Variants in PLD5 observed in about 807,000 individuals in gnomAD.
PLD5 encodes phospholipase D family member 5.
A neutral mutation model predicts 61.1 loss-of-function variants in PLD5; 36 were observed. The observed-to-expected ratio is 0.59, with a 90% CI of 0.45 to 0.78. The LOEUF is 0.78. Ranked by LOEUF, PLD5 falls within the 30% of genes least tolerant of loss-of-function variation. The pLI, the probability that PLD5 is intolerant of heterozygous loss-of-function variation, is 0.00. For synonymous variants in PLD5, 243 were observed against 242.8 expected (o/e 1.00, Z -0.01); for missense variants, 515 against 644.4 (o/e 0.80, Z 2.17).
chr1:242,436,491 A>T (rs546232537), intron 1 of PLD5, among the ~76,000 whole-genome samples: 58 of 152,068 alleles, frequency 3.8e-4, no homozygotes, highest in African/African-American at 1.1e-3. Flanking sequence ...TTTAAAAAAA[A>T]ATTTATCTTT....
chr1:242,124,399 A>G lies in PLD5; in HGVS notation c.933+69T>C, dbSNP rs2148733627. 2.7e-6 allele frequency: 4 copies of G among 1,477,222 alleles called. No individual in the cohort carries two copies. In the Middle Eastern group the frequency reaches 5.3e-4, roughly 197 times the overall value. 91.5% of individuals were successfully genotyped at this position (1,477,222 alleles called of 1,614,324 possible). On this transcript the variant is annotated intron_variant, in intron 6 of 9. Transcript: ENST00000536534. ...TTGCCCAATACAAGATCACACTTAA[A>G]CATTCCAACTTAATAAAGAGCCTTT...
intron 5 of PLD5, among the ~76,000 whole-genome samples, chr1:242,158,981 ATGTTATCC>A (rs2148838048): frequency 6.6e-6 from 1 of 152,202 alleles, no homozygotes; most frequent in South Asian, 2.1e-4. Flanking sequence ...CAGTTTTAGC[ATGTTATCC>A]ACCTCTGCTA....
intron 5 of PLD5, 97 bp downstream of exon 5, chr1:242,219,891 G>A (rs1670452393): frequency 7.0e-7 from 1 of 1,434,566 alleles, no homozygotes; most frequent in Non-Finnish European, 9.5e-7. Context: ...AATAAATGCT[G>A]TAGGTTTTAG....
chr1:242,508,287 C>T (rs539384718), intron 1 of PLD5, among the ~76,000 whole-genome samples: 2 of 151,926 alleles, frequency 1.3e-5, no homozygotes, highest in African/African-American at 2.4e-5. Flanking sequence ...GCAGGAGAAT[C>T]GCTTGAACTC....
intron 1 of PLD5, among the ~76,000 whole-genome samples, chr1:242,519,036 T>TA (rs1669194269): frequency 1.3e-5 from 2 of 152,248 alleles, no homozygotes; most frequent in Non-Finnish European, 2.9e-5. Context: ...GTTGTTTATC[T>TA]AAAACCGCAG....
intron 7 of PLD5, among the ~76,000 whole-genome samples, chr1:242,110,936 A>G (rs144137931): frequency 6.6e-6 from 1 of 152,362 alleles, no homozygotes; most frequent in Non-Finnish European, 1.5e-5. Flanking sequence ...TGTGAAAGAT[A>G]TATTTTATGT....
intron 5 of PLD5, 149 bp from the exon 6 acceptor site, chr1:242,124,814 A>T: frequency 1.6e-6 from 1 of 638,532 alleles, no homozygotes; most frequent in Non-Finnish European, 2.5e-6. Flanking sequence ...TGGTACATAG[A>T]GGTGATATGT....
rs1574293804 is a variant in PLD5, at chr1:242,100,754, G to A, written c.1268C>T (p.Ala423Val). The change falls in exon 9 of 10, where the codon GCT (alanine) becomes GTT (valine). Residue 423 changes from alanine to valine, a missense_variant. By Grantham distance (64) the Ala-to-Val change is moderately conservative. This residue lies in a region of PLD5 where 450 missense variants were observed against 598.1 expected (regional missense o/e 0.75). Transcript: ENST00000536534. The stretch of plus-strand genomic sequence containing the variant: ...ATTCTTTTGTTCTTTTGTAGCACAA[G>A]CATTCTCTCTTTCCAGATCAAAAAA... ...VKFFDLEREN[A>V]CATKEQKNHT... 2.5e-6 allele frequency: 4 copies of A among 1,613,548 alleles called. No homozygotes were observed. Among genetic ancestry groups the A allele is most frequent in the Non-Finnish European group, 3.4e-6 (4 of 1,179,824 alleles).
intron 5 of PLD5, among the ~76,000 whole-genome samples, chr1:242,138,894 G>C (rs923651729): frequency 1.3e-5 from 2 of 152,224 alleles, no homozygotes; most frequent in Admixed American, 6.5e-5. Flanking sequence ...AACTGTGTAA[G>C]AACTAAATGG....
At chr1:242,239,377 C>T (rs755261980) in intron 4 of PLD5, among the ~76,000 whole-genome samples, 4 of 152,160 alleles carry the variant, frequency 2.6e-5, no homozygotes, top group African/African-American at 9.7e-5. Context: ...GTACTTGGTT[C>T]ACTTTTTGAG....
chr1:242,298,883 A>G (rs1675869558), intron 2 of PLD5, among the ~76,000 whole-genome samples: 1 of 152,176 alleles, frequency 6.6e-6, no homozygotes. Context: ...ATGAAGACAA[A>G]AGAGGAAAAC....
At chr1:242,150,225 A>T (rs1664833925) in intron 5 of PLD5, among the ~76,000 whole-genome samples, 1 of 151,690 alleles carries the variant, frequency 6.6e-6, no homozygotes, top group Non-Finnish European at 1.5e-5. Flanking sequence ...TATGACCAAC[A>T]ATATTGGCTC....
chr1:242,242,012 GACAC>G (rs377737578), intron 4 of PLD5, among the ~76,000 whole-genome samples: 1,926 of 106,010 alleles, frequency 0.018, 44 homozygotes, highest in African/African-American at 0.055. Context: ...TATATATATA[GACAC>G]ACACACACAC....
intron 9 of PLD5, among the ~76,000 whole-genome samples, chr1:242,095,985 C>T (rs1660191645): frequency 2.0e-5 from 3 of 151,786 alleles, no homozygotes; most frequent in South Asian, 4.2e-4. Context: ...AGACAGAGGA[C>T]TCTCACTCTG....
At chr1:242,274,550 CGA>C (rs1347548481) in intron 3 of PLD5, among the ~76,000 whole-genome samples, 4 of 152,070 alleles carry the variant, frequency 2.6e-5, no homozygotes, top group Non-Finnish European at 5.9e-5. Flanking sequence ...GTCAGGAGAT[CGA>C]GACCATCCTG....
chr1:242,234,956 A>C (rs773170988), intron 4 of PLD5, among the ~76,000 whole-genome samples: 1 of 152,122 alleles, frequency 6.6e-6, no homozygotes, highest in Non-Finnish European at 1.5e-5. Flanking sequence ...TTAGCAGCTA[A>C]GTGTCCCTGT....
chr1:242,254,408 G>A (rs1672898765), intron 4 of PLD5, among the ~76,000 whole-genome samples: 1 of 151,332 alleles, frequency 6.6e-6, no homozygotes, highest in Non-Finnish European at 1.5e-5. Flanking sequence ...GGTGGCTCAC[G>A]CCTGTAATCC....
chr1:242,456,593 T>C (rs1666951750), intron 1 of PLD5, among the ~76,000 whole-genome samples: 1 of 152,224 alleles, frequency 6.6e-6, no homozygotes, highest in Non-Finnish European at 1.5e-5. Context: ...CTGTCCATGA[T>C]TGATATTAGG....
At chr1:242,452,105 C>T (rs1666802503) in intron 1 of PLD5, among the ~76,000 whole-genome samples, 2 of 152,074 alleles carry the variant, frequency 1.3e-5, no homozygotes, top group African/African-American at 2.4e-5. Context: ...ATCACGGGGG[C>T]GCACCATCCT....
Sources: allele counts gnomAD v4.1 joint callset (sites outside exome capture counted in the v4.1 genomes callset), GRCh38; gene constraint gnomAD v4.1.1; regional missense constraint gnomAD v4.1.1; transcripts MANE v1.5; gene names NCBI Gene and HGNC (gene_info 2026-07-23, HGNC 2026-07-21).